The following DLGAP2 variants were observed in gnomAD, a reference collection of about 807,000 sequenced individuals.
DLGAP2 encodes the protein disks large-associated protein 2.
DLGAP2 carries 26 observed loss-of-function variants against 100.3 expected under a neutral mutation model. That is an observed-to-expected ratio of 0.26 (90% CI 0.19 to 0.36). The LOEUF is 0.36. Among genes scored for constraint, DLGAP2 ranks in the 10% least tolerant of loss-of-function variants. The pLI is 1.00. For synonymous variants in DLGAP2, 886 were observed against 630.1 expected (o/e 1.41, Z -6.08); for missense variants, 1,858 against 1,453.2 (o/e 1.28, Z -4.53).
chr8:1,329,174 C>G (rs544993081), intron 3 of DLGAP2, among the ~76,000 whole-genome samples: 2 of 152,322 alleles, frequency 1.3e-5, no homozygotes, highest in Admixed American at 6.5e-5. Flanking sequence ...CTGGAGTTCT[C>G]AAGAGATGTG....
intron 2 of DLGAP2, among the ~76,000 whole-genome samples, chr8:1,228,751 C>A (rs1563265890): frequency 6.6e-6 from 1 of 152,136 alleles, no homozygotes; most frequent in Non-Finnish European, 1.5e-5. Context: ...TCATAACACT[C>A]AACAAACTGG....
chr8:777,740 C>A (rs1442646020), intron 1 of DLGAP2, among the ~76,000 whole-genome samples: 1 of 152,136 alleles, frequency 6.6e-6, no homozygotes, highest in Non-Finnish European at 1.5e-5. Flanking sequence ...TGATGGGCTT[C>A]CCTTTGAGGG....
chr8:1,645,275 C>A (rs1189863397), intron 8 of DLGAP2, among the ~76,000 whole-genome samples: 2 of 152,208 alleles, frequency 1.3e-5, no homozygotes, highest in Non-Finnish European at 2.9e-5. Context: ...TGAGTGCCCA[C>A]ACAACCATTC....
intron 2 of DLGAP2, among the ~76,000 whole-genome samples, chr8:1,162,598 A>C (rs971496006): frequency 6.6e-6 from 1 of 152,238 alleles, no homozygotes; most frequent in African/African-American, 2.4e-5. Context: ...ATGATGTGCA[A>C]TGTGAGCGTG....
intron 2 of DLGAP2, among the ~76,000 whole-genome samples, chr8:1,148,788 G>C (rs1796649007): frequency 6.6e-6 from 1 of 152,076 alleles, no homozygotes; most frequent in South Asian, 2.1e-4. Context: ...TATTCTGAAT[G>C]TATTTTACGT....
intron 1 of DLGAP2, among the ~76,000 whole-genome samples, chr8:832,613 G>A (rs1796803127): frequency 6.6e-6 from 1 of 152,220 alleles, no homozygotes; most frequent in East Asian, 1.9e-4. Flanking sequence ...AATGTTAATT[G>A]TGGTCATGGG....
intron 5 of DLGAP2, among the ~76,000 whole-genome samples, chr8:1,556,962 C>T (rs1028994529): frequency 6.6e-6 from 1 of 151,744 alleles, no homozygotes; most frequent in Non-Finnish European, 1.5e-5. Context: ...CTGGGAGATG[C>T]TTGTGGGGTC....
At chr8:1,007,084 G>A (rs1030044003) in intron 2 of DLGAP2, among the ~76,000 whole-genome samples, 2 of 151,778 alleles carry the variant, frequency 1.3e-5, no homozygotes, top group East Asian at 2.0e-4. Flanking sequence ...CTCAGAATAC[G>A]GTCCTTTATC....
chr8:1,430,815 C>G (rs1488441378), intron 3 of DLGAP2, among the ~76,000 whole-genome samples: 1 of 152,198 alleles, frequency 6.6e-6, no homozygotes, highest in East Asian at 1.9e-4. Context: ...AAGGACGACC[C>G]TGACACGTCT....
At chr8:900,396 C>T (rs541201017) in intron 1 of DLGAP2, among the ~76,000 whole-genome samples, 39 of 152,110 alleles carry the variant, frequency 2.6e-4, no homozygotes, top group Admixed American at 1.0e-3. Context: ...TGGGCGCCCT[C>T]CTCTTCACGG....
intron 1 of DLGAP2, among the ~76,000 whole-genome samples, chr8:801,872 C>A (rs1315164523): frequency 2.6e-5 from 4 of 151,908 alleles, no homozygotes; most frequent in African/African-American, 9.7e-5. Context: ...CCTGAGCCGC[C>A]TGACCCTGTT....
At chr8:958,439 G>A (rs1234112752) in intron 2 of DLGAP2, among the ~76,000 whole-genome samples, 2 of 152,050 alleles carry the variant, frequency 1.3e-5, no homozygotes, top group Non-Finnish European at 1.5e-5. Context: ...GGAATTGCAG[G>A]GTCATATGGT....
chr8:981,871 T>A (rs1258192400), intron 2 of DLGAP2, among the ~76,000 whole-genome samples: 1 of 152,220 alleles, frequency 6.6e-6, no homozygotes, highest in Non-Finnish European at 1.5e-5. Context: ...GAATCCTCTT[T>A]CCACAAAGAG....
chr8:1,279,190 T>C (rs991174217), intron 3 of DLGAP2, among the ~76,000 whole-genome samples: 1 of 152,206 alleles, frequency 6.6e-6, no homozygotes, highest in Non-Finnish European at 1.5e-5. Context: ...AGTTAGGAAG[T>C]TCTTAACCTC....
At chr8:1,256,021 C>T (rs1262957344) in intron 2 of DLGAP2, among the ~76,000 whole-genome samples, 34 of 124,376 alleles carry the variant, frequency 2.7e-4, no homozygotes, top group Admixed American at 1.3e-3. Flanking sequence ...GTGTGTGTGT[C>T]CTCTCCTGCC....
At chr8:1,270,035 C>T (rs1213466421) in intron 3 of DLGAP2, among the ~76,000 whole-genome samples, 2 of 152,174 alleles carry the variant, frequency 1.3e-5, no homozygotes, top group African/African-American at 4.8e-5. Flanking sequence ...CCTTGCCCTT[C>T]TCAACATACA....
intron 1 of DLGAP2, among the ~76,000 whole-genome samples, chr8:886,715 A>C (rs1797930868): frequency 6.6e-6 from 1 of 152,156 alleles, no homozygotes; most frequent in Non-Finnish European, 1.5e-5. Context: ...TTCTAATTTG[A>C]TTGCACTGTG....
At chr8:1,453,248 C>T (rs1251065084) in intron 3 of DLGAP2, among the ~76,000 whole-genome samples, 1 of 151,998 alleles carries the variant, frequency 6.6e-6, no homozygotes, top group African/African-American at 2.4e-5. Flanking sequence ...CGGGAATGGG[C>T]CGTGCTGGCC....
intron 3 of DLGAP2, among the ~76,000 whole-genome samples, chr8:1,276,222 C>G (rs117870597): frequency 6.6e-6 from 1 of 151,032 alleles, no homozygotes; most frequent in East Asian, 1.9e-4. Context: ...CCCCCCCGAC[C>G]CTAGCTCTCA....
Sources: allele counts gnomAD v4.1 joint callset (sites outside exome capture counted in the v4.1 genomes callset), GRCh38; gene constraint gnomAD v4.1.1; transcripts MANE v1.5; gene names NCBI Gene and HGNC (gene_info 2026-07-23, HGNC 2026-07-21).